LAMA5: variants seen among roughly 807,000 people sequenced by gnomAD.
The protein encoded by LAMA5 is laminin subunit alpha 5, also known as laminin subunit alpha-5.
LAMA5 carries 260 observed loss-of-function variants against 433.4 expected under a neutral mutation model. The ratio of observed to expected loss-of-function variants is 0.60; its 90% CI spans 0.54 to 0.66. The LOEUF is 0.66. Ranked by LOEUF, LAMA5 falls within the 30% of genes least tolerant of loss-of-function variation. LAMA5 has a pLI of 0.00. For synonymous variants in LAMA5, 2,620 were observed against 2,226.6 expected, an observed-to-expected ratio of 1.18 and a Z score of -4.97; for missense variants, 5,378 against 5,258.5, an observed-to-expected ratio of 1.02 and a Z score of -0.70.
In LAMA5 at chr20:62,323,782, C is replaced by G; in HGVS notation, c.5843G>C (p.Cys1948Ser). Residue 1948 changes from cysteine (C) to serine (S), a missense_variant, in exon 44 of 80, where the codon TGC (cysteine) becomes TCC (serine). Cys to Ser is a moderately radical substitution (Grantham distance 112). Coordinates refer to ENST00000252999, the MANE Select transcript of LAMA5 (RefSeq NM_005560.6). The stretch of plus-strand genomic sequence containing the variant: ...TGCCCTAGCCCCAGCTCACCGCTCG[C>G]AGGAGGCACCTGCATAACCAGGTTT... ...LCKPGYAGAS[C>S]ERCAPGFFGN... is the part of the protein sequence containing the mutation. 1 of 1,610,160 alleles carries G rather than the reference C, an allele frequency of 6.2e-7. No homozygotes were observed. The highest frequency in any genetic ancestry group is 8.5e-7 in the Non-Finnish European group (1 of 1,178,544).
chr20:62,346,774 C>G lies in LAMA5; in HGVS notation c.1099G>C (p.Asp367His), dbSNP rs767044259. ...TCCACCTCAGGGTCGTAGTAACAGT[C>G]GGTGGCATGGCCGTAGCAGTTACAG... ...QSCNCYGHAT[D>H]CYYDPEVDRR... is the part of the protein sequence containing the mutation. The change falls in exon 8 of 80, where the codon GAC becomes CAC. Residue 367 changes from aspartate (D) to histidine (H), a missense_variant. Physicochemically the swap from Asp to His is moderately conservative, Grantham distance 81. Coordinates refer to ENST00000252999, the MANE Select transcript of LAMA5 (RefSeq NM_005560.6). 11 of 1,612,520 alleles carry G rather than the reference C, an allele frequency of 6.8e-6. No homozygotes were observed. Among genetic ancestry groups the G allele is most frequent in the Non-Finnish European group, 9.3e-6 (11 of 1,179,636 alleles).
intron 53 of LAMA5, 134 bp downstream of exon 53, chr20:62,318,320 G>GGGGGAGGACGAGGGA: frequency 3.2e-6 from 1 of 317,158 alleles, no homozygotes; most frequent in Non-Finnish European, 5.6e-6. Flanking sequence ...GAGGAGGAGG[G>GGGGGAGGACGAGGGA]GGGGAGGACG....
Position 62,310,495 on chromosome 20 carries a change from T to A in LAMA5, c.10524A>T (p.Ala3508=), listed in dbSNP as rs758294696. 6.4e-7 allele frequency: 1 copy of A among 1,568,584 alleles called. No individual in the cohort carries two copies. The highest frequency in any genetic ancestry group is 2.0e-5 in the Admixed American group (1 of 50,720). The change falls in exon 76 of 80, where the codon GCA becomes GCT. Residue 3508 remains alanine, a synonymous_variant. Coordinates refer to ENST00000252999, the MANE Select transcript of LAMA5 (RefSeq NM_005560.6). The stretch of plus-strand genomic sequence containing the variant: ...GGCCCAAGATGCAGGGTGTGACCCC[T>A]GCCATCCGTGTGGGGGCCCCCAGGG... The part of the protein sequence containing the change: ...GRPLGAPTRM[A]GVTPCILGPL...
rs775965498 is a variant in LAMA5, at chr20:62,318,484, G to A, written c.7209C>T (p.Ser2403=). The A allele has an allele frequency of 6.2e-7, 1 of 1,606,310 alleles. No homozygotes were observed. Among genetic ancestry groups the A allele is most frequent in the Admixed American group, 1.7e-5 (1 of 59,662 alleles). ...CTTCCTCCAGGCGCTCCTGGTTGCG[G>A]CTGTTGAGCTCCTGGGCCTCCCGTG... ...DATREAQELN[S]RNQERLEEAL... The change falls in exon 53 of 80, where the codon AGC becomes AGT. Residue 2403 remains serine, a synonymous_variant. Coordinates refer to ENST00000252999, the MANE Select transcript of LAMA5 (RefSeq NM_005560.6).
chr20:62,316,810 A>G (rs1986982261), intron 56 of LAMA5, 37 bp from the exon 57 acceptor site: 5 of 1,567,590 alleles, frequency 3.2e-6, no homozygotes, highest in Non-Finnish European at 4.3e-6. Flanking sequence ...TCAGACACGC[A>G]GGCCGGGGCT....
At position 62,312,250 on chromosome 20, in the gene LAMA5, G is replaced by A. The variant is rs1015622392; in HGVS notation, c.9427C>T (p.Leu3143Phe). 4 of 1,611,278 alleles carry A rather than the reference G, an allele frequency of 2.5e-6. No homozygotes were observed. The highest frequency in any genetic ancestry group is 3.3e-5 in the Admixed American group (2 of 59,810). ...LRLALSNVAP[L>F]TGNVYSGFGF... ...AAGCCGGAGTAGACGTTGCCAGTGA[G>A]CGGTGCCACGTTCGAGAGCGCCAGG... Residue 3143 changes from leucine to phenylalanine, a missense_variant, in exon 69 of 80, where the codon CTC becomes TTC. By Grantham distance (22) the Leu-to-Phe change is conservative. Transcript: ENST00000252999.
In LAMA5 at chr20:62,312,722, G is replaced by A. The variant is rs550753182; in HGVS notation, c.9137C>T (p.Ala3046Val). 3.1e-6 allele frequency: 5 copies of A among 1,598,648 alleles called. No individual in the cohort carries two copies. Among genetic ancestry groups the A allele is most frequent in the East Asian group, 4.6e-5 (2 of 43,604 alleles). ...RKRVLVRVER[A>V]TVYSVEQDND... is the part of the protein sequence containing the mutation. ...GTCCTGCTCCACGCTGTACACCGTGGCCCGCTCCACACGCACCAGCACACG... is the reference window on the plus strand; with the variant it reads ...GTCCTGCTCCACGCTGTACACCGTGACCCGCTCCACACGCACCAGCACACG... Residue 3046 changes from alanine to valine, a missense_variant, in exon 67 of 80, where the codon GCC becomes GTC. Transcript: ENST00000252999.
chr20:62,313,166 C>G lies in LAMA5; in HGVS notation c.8877G>C (p.Gln2959His), dbSNP rs748795427. 8.1e-6 allele frequency: 13 copies of G among 1,598,112 alleles called. No homozygotes were observed. Among genetic ancestry groups the G allele is most frequent in the Non-Finnish European group, 3.4e-6 (4 of 1,175,728 alleles). The change falls in exon 65 of 80, where the codon CAG (glutamine) becomes CAC (histidine). Residue 2959 changes from glutamine (Q) to histidine (H), a missense_variant. Coordinates refer to ENST00000252999, the MANE Select transcript of LAMA5 (RefSeq NM_005560.6). ...GCTCGAAGCGCTTGGTGGTGCTGAT[C>G]TGACTGTCGAAGCTGATGCGGGCGA... ...TGFARISFDS[Q>H]ISTTKRFEQE... is the part of the protein sequence containing the mutation.
rs549484396 is a variant in LAMA5 at position 62,331,919 on chromosome 20, G to A, written c.3552+453C>T. 1.4e-4 allele frequency among the ~76,000 whole-genome samples: 22 copies of A among 152,294 alleles called. No individual in the cohort carries two copies. The South Asian group carries it at 3.5e-3, about 24-fold the overall frequency. On this transcript the variant is annotated intron_variant, in intron 28 of 79. Transcript: ENST00000252999. Reference sequence around the variant, plus strand: ...ATACGAAAATTAGCCAGGCGTGGTGGTGAGTGCCTATAGTCTCAGGTACTT... The same window carrying A: ...ATACGAAAATTAGCCAGGCGTGGTGATGAGTGCCTATAGTCTCAGGTACTT...
chr20:62,344,772 T>A (rs959533346), intron 11 of LAMA5, among the ~76,000 whole-genome samples: 7 of 151,398 alleles, frequency 4.6e-5, no homozygotes, highest in Non-Finnish European at 8.8e-5. Context: ...ATCTTAATAA[T>A]GCTTTATCAC....
At position 62,314,257 on chromosome 20, in the gene LAMA5, A is replaced by T. The variant is rs72487383; in HGVS notation, c.8504+47T>A. 5.7e-6 allele frequency: 9 copies of T among 1,588,876 alleles called. No individual in the cohort carries two copies. In the East Asian group the frequency reaches 1.1e-4, roughly 20 times the overall value. ...AGAGGGGAGAGATGGCGAACGGGCA[A>T]GGGCCCTGCAGTTGGAGGCATCCGG... On this transcript the variant is annotated intron_variant, in intron 62 of 79. Transcript: ENST00000252999.
At chr20:62,322,620 G>GCGGC in intron 46 of LAMA5, 38 bp downstream of exon 46, 1 of 1,399,006 alleles carries the variant, frequency 7.1e-7, no homozygotes, top group Non-Finnish European at 9.8e-7. Context: ...TAGTCCCTAG[G>GCGGC]CCCCACCCAC....
At position 62,322,187 on chromosome 20, in the gene LAMA5, G is replaced by A; in HGVS notation, c.6347-19C>T. 1 of 1,582,632 alleles carries A rather than the reference G, an allele frequency of 6.3e-7. No individual in the cohort carries two copies. ...TGGCAGCCTGTGGTGGGGGGCTTGGGTGAGCATGGCTGGCCTGGGACCTTG... is the reference window on the plus strand; with the variant it reads ...TGGCAGCCTGTGGTGGGGGGCTTGGATGAGCATGGCTGGCCTGGGACCTTG... On this transcript the variant is annotated intron_variant, in intron 47 of 79. Coordinates refer to ENST00000252999, the MANE Select transcript of LAMA5 (RefSeq NM_005560.6).
At position 62,310,145 on chromosome 20, in the gene LAMA5, C is replaced by T. The variant is rs1470159657; in HGVS notation, c.10734+33G>A. The T allele has an allele frequency of 1.9e-6, 3 of 1,611,806 alleles. No homozygotes were observed. In the South Asian group the frequency reaches 3.3e-5, roughly 18 times the overall value. ...AGGTCACCAGAATGGGGAGGCAAAC[C>T]CTGCCCTGGCACGCCACCTCTGCCA... On this transcript the variant is annotated intron_variant, in intron 77 of 79. Transcript: ENST00000252999.
intron 23 of LAMA5, 44 bp downstream of exon 23, chr20:62,333,852 GTGGGC>G (rs555202728): frequency 2.1e-6 from 3 of 1,434,214 alleles, no homozygotes; most frequent in African/African-American, 2.8e-5. Context: ...GTGGGGTGGG[GTGGGC>G]TGGGCTGGTG....
At chr20:62,346,438 G>A in intron 9 of LAMA5, 68 bp downstream of exon 9, 1 of 1,476,936 alleles carries the variant, frequency 6.8e-7, no homozygotes, top group Non-Finnish European at 9.2e-7. Flanking sequence ...CAGCCCCAAA[G>A]GCCCAAGAAC....
chr20:62,322,125 G>C lies in LAMA5; in HGVS notation c.6390C>G (p.Arg2130=). ...CGCTGAGCCCCGGGGGGCAGTTGCA[G>C]CGGCCCGTGTGAGGGTCACAGCGGC... ...PGGRCDPHTG[R]CNCPPGLSGE... The change falls in exon 48 of 80, where the codon CGC becomes CGG. Residue 2130 remains arginine (R), a synonymous_variant. Transcript: ENST00000252999. 6.2e-7 allele frequency: 1 copy of C among 1,603,098 alleles called. No homozygotes were observed. The highest frequency in any genetic ancestry group is 8.5e-7 in the Non-Finnish European group (1 of 1,178,404).
At chr20:62,339,784 A>G (rs1015997004) in intron 11 of LAMA5, among the ~76,000 whole-genome samples, 3 of 152,198 alleles carry the variant, frequency 2.0e-5, no homozygotes, top group African/African-American at 7.2e-5. Flanking sequence ...TGTGAAAGTC[A>G]GGAAAGGAAA....
At position 62,353,207 on chromosome 20, in the gene LAMA5, G is replaced by C; in HGVS notation, c.495C>G (p.Pro165=). Residue 165 remains proline (P), a synonymous_variant, in exon 3 of 80, where the codon CCC becomes CCG. Transcript: ENST00000252999. The part of the protein sequence containing the change: ...AYVLIKFANS[P]RPDLWVLERS... ...GCTCCAGCACCCAGAGGTCCGGCCGGGGTGAGTTGGCAAACTTGATGAGGA... is the reference window on the plus strand; with the variant it reads ...GCTCCAGCACCCAGAGGTCCGGCCGCGGTGAGTTGGCAAACTTGATGAGGA... The C allele has an allele frequency of 6.3e-7, 1 of 1,590,754 alleles. No individual in the cohort carries two copies. The highest frequency in any genetic ancestry group is 1.1e-5 in the South Asian group (1 of 87,436).
Sources: gnomAD v4.1 joint callset for allele counts (sites outside exome capture counted in the v4.1 genomes callset) on GRCh38, gnomAD v4.1.1 for gene constraint, MANE v1.5 for transcripts, NCBI Gene and HGNC (gene_info 2026-07-23, HGNC 2026-07-21) for gene names.